The following SMARCC1 variants were observed in gnomAD, a reference collection of about 807,000 sequenced individuals.
SMARCC1 encodes the protein SWI/SNF related BAF chromatin remodeling complex subunit C1.
A neutral mutation model predicts 147.4 loss-of-function variants in SMARCC1; 43 were observed. The ratio of observed to expected loss-of-function variants is 0.29; its 90% CI spans 0.23 to 0.38. SMARCC1 has a LOEUF of 0.38. Among genes scored for constraint, SMARCC1 ranks in the 10% least tolerant of loss-of-function variants. The pLI, the probability that SMARCC1 is intolerant of heterozygous loss-of-function variation, is 1.00. For synonymous variants in SMARCC1, 495 were observed against 484.4 expected, an observed-to-expected ratio of 1.02 and a Z score of -0.29; for missense variants, 1,119 against 1,381.1, an observed-to-expected ratio of 0.81 and a Z score of 3.01.
At chr3:47,749,701 C>T (rs1437531177) in intron 2 of SMARCC1, among the ~76,000 whole-genome samples, 1 of 16,824 alleles carries the variant, frequency 5.9e-5, no homozygotes, top group Non-Finnish European at 3.7e-4. Flanking sequence ...AAAGTGAGAC[C>T]CTCTAAATTA....
chr3:47,717,389 G>C (rs1220022643), intron 7 of SMARCC1, among the ~76,000 whole-genome samples: 2 of 152,110 alleles, frequency 1.3e-5, no homozygotes, highest in African/African-American at 4.8e-5. Context: ...CTTAAAACCA[G>C]TAAGGTTTTA....
intron 11 of SMARCC1, among the ~76,000 whole-genome samples, chr3:47,697,779 G>A (rs963628703): frequency 5.9e-5 from 9 of 151,586 alleles, no homozygotes; most frequent in African/African-American, 1.2e-4. Flanking sequence ...AGGCCAAGGC[G>A]GGCGGATCAT....
At chr3:47,727,146 G>A (rs1298319296) in intron 6 of SMARCC1, among the ~76,000 whole-genome samples, 2 of 151,856 alleles carry the variant, frequency 1.3e-5, no homozygotes, top group South Asian at 2.1e-4. Flanking sequence ...CCAGGAGGCG[G>A]AGGCTGCAGT....
chr3:47,767,775 G>A (rs1408419044), intron 2 of SMARCC1, among the ~76,000 whole-genome samples: 1 of 151,648 alleles, frequency 6.6e-6, no homozygotes, highest in African/African-American at 2.4e-5. Context: ...GGCTGAGGCA[G>A]GAGAATAGTT....
intron 26 of SMARCC1, among the ~76,000 whole-genome samples, chr3:47,607,170 G>A (rs1430258033): frequency 6.6e-6 from 1 of 152,118 alleles, no homozygotes; most frequent in Non-Finnish European, 1.5e-5. Flanking sequence ...ATAAGACTGA[G>A]AAAGAATGCA....
chr3:47,762,607 C>A (rs2034787346), intron 2 of SMARCC1, among the ~76,000 whole-genome samples: 1 of 152,202 alleles, frequency 6.6e-6, no homozygotes, highest in Admixed American at 6.5e-5. Context: ...AATCACGTAA[C>A]AATTGAAAAT....
chr3:47,673,144 G>T (rs2106751725), intron 18 of SMARCC1, among the ~76,000 whole-genome samples: 1 of 152,016 alleles, frequency 6.6e-6, no homozygotes, highest in South Asian at 2.1e-4. Context: ...TAGCACTCTG[G>T]AAGGTAAAAA....
chr3:47,779,782 G>T (rs2035018790), intron 1 of SMARCC1, among the ~76,000 whole-genome samples: 1 of 152,122 alleles, frequency 6.6e-6, no homozygotes, highest in Non-Finnish European at 1.5e-5. Context: ...TCTCTTCCTT[G>T]ATATTATTCA....
intron 11 of SMARCC1, among the ~76,000 whole-genome samples, chr3:47,699,735 T>C (rs2033895695): frequency 6.6e-6 from 1 of 152,116 alleles, no homozygotes; most frequent in African/African-American, 2.4e-5. Context: ...GCCAGATAAA[T>C]CATACAGACT....
chr3:47,702,406 T>C (rs1454887361), intron 10 of SMARCC1, among the ~76,000 whole-genome samples: 2 of 151,944 alleles, frequency 1.3e-5, no homozygotes, highest in African/African-American at 4.8e-5. Flanking sequence ...CATAGAGAGA[T>C]TGTAAGGACT....
chr3:47,737,822 A>AT (rs71070219), intron 4 of SMARCC1, among the ~76,000 whole-genome samples: 38,190 of 133,582 alleles, frequency 0.29, 6,109 homozygotes, highest in Admixed American at 0.44. Flanking sequence ...CGTGCGGCTA[A>AT]TTTTTTTTTT....
chr3:47,662,904 C>A (rs1419631341), intron 19 of SMARCC1, among the ~76,000 whole-genome samples: 1 of 150,522 alleles, frequency 6.6e-6, no homozygotes, highest in East Asian at 2.0e-4. Flanking sequence ...GGTGAAACCC[C>A]ATCTCTACTA....
chr3:47,757,603 T>C (rs2034715802), intron 2 of SMARCC1, among the ~76,000 whole-genome samples: 1 of 151,520 alleles, frequency 6.6e-6, no homozygotes, highest in African/African-American at 2.4e-5. Flanking sequence ...GTGAAACTGG[T>C]GAACCCCTAT....
intron 1 of SMARCC1, among the ~76,000 whole-genome samples, chr3:47,775,306 G>A (rs1312154002): frequency 6.6e-6 from 1 of 150,596 alleles, no homozygotes; most frequent in Non-Finnish European, 1.5e-5. Flanking sequence ...GACTACAGGC[G>A]CCCACCACCA....
At chr3:47,614,521 G>C (rs1265455410) in intron 25 of SMARCC1, among the ~76,000 whole-genome samples, 1 of 152,086 alleles carries the variant, frequency 6.6e-6, no homozygotes, top group Non-Finnish European at 1.5e-5. Flanking sequence ...CTTTTTTGCT[G>C]TTCTTTCTTC....
At chr3:47,642,497 G>C (rs2033061290) in intron 21 of SMARCC1, among the ~76,000 whole-genome samples, 2 of 152,142 alleles carry the variant, frequency 1.3e-5, no homozygotes, top group South Asian at 4.1e-4. Context: ...GGCTGAGGCA[G>C]GAGAATGGCT....
At chr3:47,709,091 T>C (rs372656583) in intron 9 of SMARCC1, among the ~76,000 whole-genome samples, 9 of 152,068 alleles carry the variant, frequency 5.9e-5, no homozygotes, top group African/African-American at 2.2e-4. Context: ...TGAAACTCCA[T>C]CTCTACTGAA....
chr3:47,702,243 A>AAAC (rs757215886), intron 10 of SMARCC1, among the ~76,000 whole-genome samples: 13 of 151,678 alleles, frequency 8.6e-5, no homozygotes, highest in Admixed American at 4.6e-4. Flanking sequence ...AAAAAAAAAA[A>AAAC]AAACCCCAGT....
chr3:47,700,008 TTTC>T (rs2033898068), intron 11 of SMARCC1, among the ~76,000 whole-genome samples: 1 of 152,072 alleles, frequency 6.6e-6, no homozygotes, highest in Non-Finnish European at 1.5e-5. Context: ...CCTAGATTTT[TTTC>T]TTCTACTTTT....
Sources: gnomAD v4.1 joint callset for allele counts (sites outside exome capture counted in the v4.1 genomes callset) on GRCh38, gnomAD v4.1.1 for gene constraint, MANE v1.5 for transcripts, NCBI Gene and HGNC (gene_info 2026-07-23, HGNC 2026-07-21) for gene names.